UNC13D: variants seen among roughly 807,000 people sequenced by gnomAD.
UNC13D encodes the protein unc-13 homolog D.
UNC13D carries 115 observed loss-of-function variants against 151.7 expected under a neutral mutation model. The ratio of observed to expected loss-of-function variants is 0.76; its 90% CI spans 0.65 to 0.88. The LOEUF (loss-of-function observed/expected upper bound fraction) is 0.88. UNC13D is among the 40% of genes least tolerant of loss of function. The pLI, the probability that UNC13D is intolerant of heterozygous loss-of-function variation, is 0.00. For synonymous variants in UNC13D, 588 were observed against 612.2 expected (o/e 0.96, Z 0.58); for missense variants, 1,369 against 1,438.7 (o/e 0.95, Z 0.78).
Position 75,843,483 on chromosome 17 carries a change from C to T in UNC13D, c.153+1G>A, listed in dbSNP as rs1029026260. On this transcript the variant is annotated splice_donor_variant, in intron 2 of 31. Coordinates refer to ENST00000207549, the MANE Select transcript of UNC13D (RefSeq NM_199242.3). LOFTEE classifies it high-confidence loss of function. ...CTGCACCCCAGCACTCTGACTCTTA[C>T]CTGCTCGGGGGAGAAGTGGTGGGAT... is the stretch of plus-strand genomic sequence containing the variant. The T allele has an allele frequency of 6.2e-7, 1 of 1,609,434 alleles. No individual in the cohort carries two copies. The highest frequency in any genetic ancestry group is 8.5e-7 in the Non-Finnish European group (1 of 1,178,634).
Position 75,840,811 on chromosome 17 carries a change from A to G in UNC13D, c.634T>C (p.Ser212Pro). 1 of 1,613,666 alleles carries G rather than the reference A, an allele frequency of 6.2e-7. No homozygotes were observed. Among genetic ancestry groups the G allele is most frequent in the Non-Finnish European group, 8.5e-7 (1 of 1,179,874 alleles). The change falls in exon 8 of 32, where the codon TCT (serine) becomes CCT (proline). Residue 212 changes from serine to proline, a missense_variant. By Grantham distance (74) the Ser-to-Pro change is moderately conservative. This residue lies in a region of UNC13D where 550 missense variants were observed against 609.0 expected (regional missense o/e 0.90). Transcript: ENST00000207549. This position sits in a 1 kb window ranked among gnomAD's most constrained non-coding sequence, Gnocchi z 4.6. ...AGCTCCCCAAGCTTCTGTCGGACAG[A>G]CTCCACAGTGTCCAGGTCCCTGGCA... Reference protein sequence around the residue: ...LDMWDLDTVESVRQKLGELTD... With the variant: ...LDMWDLDTVEPVRQKLGELTD...
intron 6 of UNC13D, among the ~76,000 whole-genome samples, chr17:75,841,745 C>A (rs1437506795): frequency 2.7e-5 from 4 of 148,270 alleles, no homozygotes; most frequent in African/African-American, 7.6e-5. Context: ...GCCTGGCCCC[C>A]ACTAATTTTT....
rs1291988805 is a variant in UNC13D at position 75,835,449 on chromosome 17, T to G, written c.1808A>C (p.Glu603Ala). The part of the protein sequence containing the change: ...IPSWLQKTYN[E>A]ALARVQRAVQ... ...AGCGCGCTGCACCCGCGCCAGGGCC[T>G]CGTTGTACGTCTTCTGCAGCCAGGA... Residue 603 changes from glutamate to alanine, a missense_variant, in exon 20 of 32, where the codon GAG becomes GCG. Transcript: ENST00000207549. 6.2e-7 allele frequency: 1 copy of G among 1,612,962 alleles called. No homozygotes were observed. The highest frequency in any genetic ancestry group is 1.7e-5 in the Admixed American group (1 of 59,984).
rs1196429692 is a variant in UNC13D at position 75,836,426 on chromosome 17, G to A, written c.1302C>T (p.Val434=). Residue 434 remains valine, a synonymous_variant, in exon 15 of 32, where the codon GTC becomes GTT. Transcript: ENST00000207549. ...SPARLQSLLR[V]LVQMCKMKAF... ...CCTTCATCTTGCACATCTGTACCAG[G>A]ACCCTGCAAGATGGAAAGAGCTGTG... 2 of 1,612,862 alleles carry A rather than the reference G, an allele frequency of 1.2e-6. No individual in the cohort carries two copies. Among genetic ancestry groups the A allele is most frequent in the Non-Finnish European group, 1.7e-6 (2 of 1,179,986 alleles).
chr17:75,830,451 A>G lies in UNC13D; in HGVS notation c.2741T>C (p.Val914Ala), dbSNP rs774890435. The part of the protein sequence containing the change: ...AETTSEELGA[V>A]TVKASYRASE... ...GGCGCGGTAGGAGGCCTTGACTGTC[A>G]CAGCCCCCAGCTCCTCAGAGGTGGT... Residue 914 changes from valine to alanine, a missense_variant, in exon 29 of 32, where the codon GTG (valine) becomes GCG (alanine). Physicochemically the swap from Val to Ala is moderately conservative, Grantham distance 64. Coordinates refer to ENST00000207549, the MANE Select transcript of UNC13D (RefSeq NM_199242.3). The G allele has an allele frequency of 2.5e-6, 4 of 1,588,060 alleles. No individual in the cohort carries two copies. Among genetic ancestry groups the G allele is most frequent in the Non-Finnish European group, 3.4e-6 (4 of 1,168,024 alleles).
intron 5 of UNC13D, 121 bp from the exon 6 acceptor site, chr17:75,842,734 T>TA: frequency 1.3e-6 from 2 of 1,591,524 alleles, no homozygotes; most frequent in African/African-American, 2.7e-5. Flanking sequence ...ACCAGCAGCA[T>TA]GGGGGGCCAG....
In UNC13D at chr17:75,827,435, G is replaced by A. The variant is rs1162848259; in HGVS notation, c.*530C>T. ...TGGCTCCAGGCTTCCTGGCCTGGATGCTGGCAGCCCCTGGGGAGAGGACCC... is the reference window on the plus strand; with the variant it reads ...TGGCTCCAGGCTTCCTGGCCTGGATACTGGCAGCCCCTGGGGAGAGGACCC... On this transcript the variant is annotated 3_prime_UTR_variant, in exon 32 of 32. Coordinates refer to ENST00000207549, the MANE Select transcript of UNC13D (RefSeq NM_199242.3). 2.1e-6 allele frequency: 3 copies of A among 1,424,498 alleles called. No homozygotes were observed. Among genetic ancestry groups the A allele is most frequent in the Non-Finnish European group, 1.8e-6 (2 of 1,090,916 alleles). 88.2% of individuals were successfully genotyped at this position (1,424,498 alleles called of 1,614,324 possible). A position where few individuals can be genotyped will look rare whatever the true frequency, so the allele number is the denominator to read the frequency against.
intron 12 of UNC13D, among the ~76,000 whole-genome samples, chr17:75,838,447 G>C (rs2143887540): frequency 6.6e-6 from 1 of 152,002 alleles, no homozygotes; most frequent in African/African-American, 2.4e-5. Context: ...TCAAACTCCT[G>C]ACTTCAAGTG....
chr17:75,841,294 G>C, intron 6 of UNC13D: 1 of 398,820 alleles, frequency 2.5e-6, no homozygotes, highest in Non-Finnish European at 4.7e-6. Flanking sequence ...ACAGGTGCCC[G>C]CCACCACACC....
intron 12 of UNC13D, 132 bp from the exon 13 acceptor site, chr17:75,837,050 T>G: frequency 1.5e-5 from 8 of 533,500 alleles, no homozygotes; most frequent in Non-Finnish European, 2.4e-5. Context: ...CAACAGGACA[T>G]GCAGGATTGT....
chr17:75,833,406 T>G lies in UNC13D; in HGVS notation c.2368-361A>C. The G allele has an allele frequency of 4.1e-6, 1 of 245,130 alleles. No individual in the cohort carries two copies. The highest frequency in any genetic ancestry group is 4.9e-5 in the Admixed American group (1 of 20,476). 15.2% of individuals were successfully genotyped at this position (245,130 alleles called of 1,614,324 possible). ...GTCACGGCCTTCCCTGGCCACCATC[T>G]AAAAATACAACCCTCTGACACTTCT... is the stretch of plus-strand genomic sequence containing the variant. On this transcript the variant is annotated intron_variant, in intron 24 of 31. Transcript: ENST00000207549. The surrounding 1 kb of genome is among the most constrained non-coding windows in gnomAD (Gnocchi z 4.0).
Position 75,834,468 on chromosome 17 carries a change from G to T in UNC13D, c.2155C>A (p.Leu719Met), listed in dbSNP as rs747979580. ...CGCTGCTCCAGGGCCTCCCATGCCAGCTGGGCGGGCAACTTGCCGATCACC... is the reference window on the plus strand; with the variant it reads ...CGCTGCTCCAGGGCCTCCCATGCCATCTGGGCGGGCAACTTGCCGATCACC... ...RLVIGKLPAQLAWEALEQRVG... is the reference protein window; with the variant it reads ...RLVIGKLPAQMAWEALEQRVG... The change falls in exon 23 of 32, where the codon CTG (leucine) becomes ATG (methionine). Residue 719 changes from leucine to methionine, a missense_variant. Around this residue, in one of 3 missense-constraint regions of UNC13D, gnomAD observed 807 missense variants for 795.5 expected, o/e 1.01. Coordinates refer to ENST00000207549, the MANE Select transcript of UNC13D (RefSeq NM_199242.3). 1.9e-6 allele frequency: 3 copies of T among 1,564,848 alleles called. No individual in the cohort carries two copies. In the East Asian group the frequency reaches 7.1e-5, roughly 37 times the overall value.
intron 12 of UNC13D, among the ~76,000 whole-genome samples, chr17:75,838,333 C>T (rs552569408): frequency 6.8e-4 from 104 of 152,138 alleles, no homozygotes; most frequent in Non-Finnish European, 1.2e-3. Flanking sequence ...ATTCTCGTGC[C>T]TCACCCTCCC....
Position 75,827,493 on chromosome 17 carries a change from C to G in UNC13D, c.*472G>C. 1 of 1,512,810 alleles carries G rather than the reference C, an allele frequency of 6.6e-7. No homozygotes were observed. The highest frequency in any genetic ancestry group is 8.8e-7 in the Non-Finnish European group (1 of 1,133,380). The allele number at this position is 1,512,810 out of a possible 1,614,324, so 93.7% of individuals were successfully genotyped here. A position where few individuals can be genotyped will look rare whatever the true frequency, so the allele number is the denominator to read the frequency against. ...CTCTAGTAATGGCCACCACCCTCCC[C>G]CCAGGGCAGCTGGAGCCTCATCTTT... On this transcript the variant is annotated 3_prime_UTR_variant, in exon 32 of 32. Coordinates refer to ENST00000207549, the MANE Select transcript of UNC13D (RefSeq NM_199242.3).
intron 30 of UNC13D, among the ~76,000 whole-genome samples, chr17:75,829,363 T>C (rs1567816246): frequency 6.6e-6 from 1 of 152,060 alleles, no homozygotes; most frequent in African/African-American, 2.4e-5. Flanking sequence ...TGGCGCCATC[T>C]TGGCTCACTA....
intron 12 of UNC13D, among the ~76,000 whole-genome samples, chr17:75,838,796 T>C (rs2064926646): frequency 6.6e-6 from 1 of 152,182 alleles, no homozygotes; most frequent in South Asian, 2.1e-4. Flanking sequence ...CGCTCCGCTC[T>C]GTCCACTCAA....
At chr17:75,842,202 C>G (rs1323148907) in intron 6 of UNC13D, among the ~76,000 whole-genome samples, 1 of 152,222 alleles carries the variant, frequency 6.6e-6, no homozygotes, top group Non-Finnish European at 1.5e-5. Flanking sequence ...GACTCACCCA[C>G]AAGGGCCTGA....
In UNC13D at chr17:75,827,992, G is replaced by T. The variant is rs1461468262; in HGVS notation, c.3246C>A (p.Ser1082=). 1 of 1,603,728 alleles carries T rather than the reference G, an allele frequency of 6.2e-7. No individual in the cohort carries two copies. The highest frequency in any genetic ancestry group is 8.5e-7 in the Non-Finnish European group (1 of 1,176,402). Residue 1082 remains serine, a synonymous_variant, in exon 32 of 32, where the codon TCC becomes TCA. Coordinates refer to ENST00000207549, the MANE Select transcript of UNC13D (RefSeq NM_199242.3). The part of the protein sequence containing the change: ...RLRRHRAKQA[S]QHALRPAP ...ACGGTGCCGGCCGCAAGGCATGCTG[G>T]GAGGCCTGCTTGGCCCGGTGCCGCC... is the stretch of plus-strand genomic sequence containing the variant.
chr17:75,828,689 G>C, intron 31 of UNC13D, 98 bp downstream of exon 31: 1 of 1,327,964 alleles, frequency 7.5e-7, no homozygotes, highest in South Asian at 1.8e-5. Flanking sequence ...CGTCTCCAGG[G>C]AAGCTGTTCT....
Sources: allele counts gnomAD v4.1 joint callset (sites outside exome capture counted in the v4.1 genomes callset), GRCh38; gene constraint gnomAD v4.1.1; regional missense constraint gnomAD v4.1.1; non-coding constraint Gnocchi (gnomAD v3.1); transcripts MANE v1.5; gene names NCBI Gene and HGNC (gene_info 2026-07-23, HGNC 2026-07-21).